NEGR1: variants seen among roughly 807,000 people sequenced by gnomAD.
NEGR1 encodes the protein IgLON family member 4.
Under a neutral mutation model 40.9 loss-of-function variants are expected in NEGR1, and 10 were observed. The observed-to-expected ratio is 0.24, with a 90% CI of 0.15 to 0.42. The LOEUF is 0.42. Ranked by LOEUF, NEGR1 falls within the 10% of genes least tolerant of loss-of-function variation. NEGR1 has a pLI of 1.00. For synonymous variants in NEGR1, 185 were observed against 166.8 expected, an observed-to-expected ratio of 1.11 and a Z score of -0.84; for missense variants, 352 against 438.9, an observed-to-expected ratio of 0.80 and a Z score of 1.77.
chr1:72,123,082 G>A lies in NEGR1; in HGVS notation c.176+159237C>T, dbSNP rs950880125. ...CAGAAATTTTATTTAGGGAGCACTA[G>A]TCAATCTCCATGTGAAGTTTCTTAA... is the stretch of plus-strand genomic sequence containing the variant. On this transcript the variant is annotated intron_variant, in intron 1 of 6. Coordinates refer to ENST00000357731, the MANE Select transcript of NEGR1 (RefSeq NM_173808.3). Among the ~76,000 whole-genome samples the A allele has an allele frequency of 2.0e-5, 3 of 151,850 alleles. 1 individual carries two copies. Among genetic ancestry groups the A allele is most frequent in the African/African-American group, 2.4e-5 (1 of 41,388 alleles).
At chr1:71,812,140 A>T (rs1012500297) in intron 2 of NEGR1, among the ~76,000 whole-genome samples, 5 of 152,130 alleles carry the variant, frequency 3.3e-5, no homozygotes, top group African/African-American at 1.2e-4. Flanking sequence ...AACTGAGAAC[A>T]TGCAGTGTTT....
chr1:71,963,228 GTACC>G (rs1646181377), intron 1 of NEGR1, among the ~76,000 whole-genome samples: 2 of 151,820 alleles, frequency 1.3e-5, no homozygotes, highest in Non-Finnish European at 2.9e-5. Flanking sequence ...TTCTTTTTAA[GTACC>G]TGAAGATTCA....
At chr1:71,908,954 A>G (rs1661353066) in intron 2 of NEGR1, among the ~76,000 whole-genome samples, 1 of 152,164 alleles carries the variant, frequency 6.6e-6, no homozygotes, top group South Asian at 2.1e-4. Context: ...AATACACATT[A>G]TTTTTAAATG....
chr1:71,801,435 C>A (rs531520766), intron 2 of NEGR1, among the ~76,000 whole-genome samples: 1 of 152,298 alleles, frequency 6.6e-6, no homozygotes, highest in African/African-American at 2.4e-5. Flanking sequence ...ATGTACAATT[C>A]TCTGTTCAGT....
chr1:71,828,943 G>A (rs1423796553), intron 2 of NEGR1, among the ~76,000 whole-genome samples: 1 of 151,962 alleles, frequency 6.6e-6, no homozygotes, highest in Non-Finnish European at 1.5e-5. Context: ...GTATTTCAGG[G>A]CAGGTTCATT....
intron 3 of NEGR1, among the ~76,000 whole-genome samples, chr1:71,728,824 T>A (rs1654760941): frequency 6.6e-6 from 1 of 152,138 alleles, no homozygotes; most frequent in Admixed American, 6.5e-5. Flanking sequence ...ACTACTCCCT[T>A]TCTCAAAAGT....
intron 6 of NEGR1, among the ~76,000 whole-genome samples, chr1:71,552,694 T>C (rs72677126): frequency 9.1e-4 from 137 of 151,156 alleles, no homozygotes; most frequent in Middle Eastern, 3.4e-3. Context: ...TTCCACACTA[T>C]ATTCAGAATT....
Position 71,696,988 on chromosome 1 carries a change from T to C in NEGR1, c.667+1020A>G, listed in dbSNP as rs1400179046. Among the ~76,000 whole-genome samples the C allele has an allele frequency of 2.0e-5, 3 of 151,834 alleles. No homozygotes were observed. The East Asian group carries it at 5.8e-4, about 29-fold the overall frequency. ...TAGATTAGTCACTGACAAATGTTAG[T>C]TGATGACAGTGATTTGCTCTGGTGT... On this transcript the variant is annotated intron_variant, in intron 4 of 6. Transcript: ENST00000357731.
chr1:71,793,269 T>TATATATATATACATA (rs1657183224), intron 2 of NEGR1, among the ~76,000 whole-genome samples: 3 of 138,516 alleles, frequency 2.2e-5, no homozygotes, highest in Non-Finnish European at 4.6e-5. Flanking sequence ...AAACCATATA[T>TATATATATATACATA]ATATATATAT....
chr1:72,131,189 A>G (rs752919734), intron 1 of NEGR1, among the ~76,000 whole-genome samples: 5 of 152,214 alleles, frequency 3.3e-5, no homozygotes, highest in Non-Finnish European at 7.3e-5. Context: ...TTTAACATCT[A>G]GAAACCACCC....
intron 4 of NEGR1, among the ~76,000 whole-genome samples, chr1:71,688,421 T>TATATATAAAAGATATATATAAAAG (rs1553158658): frequency 2.0e-5 from 2 of 98,820 alleles, no homozygotes; most frequent in Non-Finnish European, 2.0e-5. Flanking sequence ...ATATAAAAGA[T>TATATATAAAAGATATATATAAAAG]ATATATATAA....
At chr1:72,057,060 C>T (rs929799796) in intron 1 of NEGR1, among the ~76,000 whole-genome samples, 2 of 151,548 alleles carry the variant, frequency 1.3e-5, no homozygotes, top group African/African-American at 4.8e-5. Context: ...GAAGCTCTTT[C>T]TTTCCCACAA....
At chr1:71,937,913 G>C (rs1171586287) in intron 1 of NEGR1, among the ~76,000 whole-genome samples, 1 of 152,002 alleles carries the variant, frequency 6.6e-6, no homozygotes, top group Non-Finnish European at 1.5e-5. Flanking sequence ...AGGGAAGACT[G>C]CAGAGATTAA....
intron 2 of NEGR1, among the ~76,000 whole-genome samples, chr1:71,819,679 A>G (rs1365048494): frequency 5.3e-5 from 8 of 152,026 alleles, no homozygotes. Flanking sequence ...AATAGATGCT[A>G]TCATATGCAT....
chr1:71,954,849 T>A lies in NEGR1; in HGVS notation c.177-19538A>T, dbSNP rs1278766006. Among the ~76,000 whole-genome samples the A allele has an allele frequency of 2.6e-5, 4 of 152,120 alleles. No individual in the cohort carries two copies. In the East Asian group the frequency reaches 7.7e-4, roughly 29 times the overall value. On this transcript the variant is annotated intron_variant, in intron 1 of 6. Coordinates refer to ENST00000357731, the MANE Select transcript of NEGR1 (RefSeq NM_173808.3). ...TGTGGCTGTCAGCCACACACAGCTA[T>A]GATCAAATAACAATTACCATCATCA...
At chr1:71,842,121 C>T (rs1659262461) in intron 2 of NEGR1, among the ~76,000 whole-genome samples, 1 of 152,162 alleles carries the variant, frequency 6.6e-6, no homozygotes, top group Non-Finnish European at 1.5e-5. Context: ...TCAGAAGTCA[C>T]ATGGGAAGTT....
intron 4 of NEGR1, among the ~76,000 whole-genome samples, chr1:71,615,396 A>G (rs567259388): frequency 1.1e-4 from 16 of 152,332 alleles, no homozygotes; most frequent in African/African-American, 3.4e-4. Context: ...GTTATTTACT[A>G]TGTTGCAGTC....
intron 4 of NEGR1, among the ~76,000 whole-genome samples, chr1:71,615,242 A>T (rs531385103): frequency 1.3e-5 from 2 of 152,230 alleles, no homozygotes; most frequent in East Asian, 3.9e-4. Flanking sequence ...TTTATTCTTT[A>T]TTCCTCTGTT....
At chr1:72,000,685 C>G (rs950720259) in intron 1 of NEGR1, among the ~76,000 whole-genome samples, 11 of 152,130 alleles carry the variant, frequency 7.2e-5, no homozygotes, top group African/African-American at 2.7e-4. Flanking sequence ...CAAAGTTCTT[C>G]CATTTAAATT....
Sources: gnomAD v4.1 joint callset for allele counts (sites outside exome capture counted in the v4.1 genomes callset) on GRCh38, gnomAD v4.1.1 for gene constraint, MANE v1.5 for transcripts, NCBI Gene and HGNC (gene_info 2026-07-23, HGNC 2026-07-21) for gene names.